The following RELB variants were observed in gnomAD, a reference collection of about 807,000 sequenced individuals.
RELB encodes transcription factor RelB.
Under a neutral mutation model 55.4 loss-of-function variants are expected in RELB, and 14 were observed. The observed-to-expected ratio is 0.25, with a 90% CI of 0.17 to 0.40. The LOEUF (loss-of-function observed/expected upper bound fraction) is 0.40, where lower values mean the gene tolerates loss of function less well. Among genes scored for constraint, RELB ranks in the 10% least tolerant of loss-of-function variants. The pLI, the probability that RELB is intolerant of heterozygous loss-of-function variation, is 1.00. For synonymous variants in RELB, 409 were observed against 371.3 expected, an observed-to-expected ratio of 1.10 and a Z score of -1.17; for missense variants, 669 against 830.7, an observed-to-expected ratio of 0.81 and a Z score of 2.39.
At chr19:45,011,605 G>A (rs1971352134) in intron 3 of RELB, among the ~76,000 whole-genome samples, 1 of 151,840 alleles carries the variant, frequency 6.6e-6, no homozygotes, top group African/African-American at 2.4e-5. Context: ...TACAGACGTG[G>A]GAGACCATTC....
intron 2 of RELB, among the ~76,000 whole-genome samples, chr19:45,003,272 C>G (rs1383633795): frequency 6.6e-6 from 1 of 151,964 alleles, no homozygotes; most frequent in Non-Finnish European, 1.5e-5. Flanking sequence ...GAGATCGAGA[C>G]CATCCTGGCT....
intron 11 of RELB, among the ~76,000 whole-genome samples, chr19:45,035,334 C>T (rs1291831195): frequency 2.6e-5 from 4 of 150,990 alleles, no homozygotes; most frequent in South Asian, 2.1e-4. Flanking sequence ...GCCTGGCCAA[C>T]GTGGTAAAAC....
At chr19:45,028,644 G>A (rs940736939) in intron 7 of RELB, among the ~76,000 whole-genome samples, 5 of 152,112 alleles carry the variant, frequency 3.3e-5, no homozygotes, top group African/African-American at 9.7e-5. Flanking sequence ...AAAGATCTTC[G>A]TTTTGGACAG....
At chr19:45,017,108 G>A (rs1366585584) in intron 4 of RELB, among the ~76,000 whole-genome samples, 1 of 152,048 alleles carries the variant, frequency 6.6e-6, no homozygotes, top group Non-Finnish European at 1.5e-5. Context: ...CCCCTAGGGG[G>A]CAGCACTCCC....
At chr19:45,002,069 T>C (rs565000498) in intron 1 of RELB, among the ~76,000 whole-genome samples, 208 of 111,186 alleles carry the variant, frequency 1.9e-3, no homozygotes, top group African/African-American at 6.5e-3. Flanking sequence ...CGGGCCTGAC[T>C]CAAAAAAGGA....
chr19:45,028,803 G>T (rs956285128), intron 7 of RELB, 85 bp from the exon 8 acceptor site: 6 of 1,087,352 alleles, frequency 5.5e-6, no homozygotes, highest in Non-Finnish European at 8.2e-6. Flanking sequence ...CCCGGGGATG[G>T]CACCCACTGG....
intron 4 of RELB, chr19:45,021,826 C>A (rs1368103624): frequency 6.8e-6 from 3 of 439,340 alleles, no homozygotes; most frequent in Non-Finnish European, 1.2e-5. Flanking sequence ...CCGCCCACCT[C>A]GGCCTTCCAA....
intron 4 of RELB, among the ~76,000 whole-genome samples, chr19:45,013,954 C>T (rs1971391773): frequency 6.6e-6 from 1 of 152,172 alleles, no homozygotes; most frequent in African/African-American, 2.4e-5. Context: ...CTGTGGCCTT[C>T]TCAGTGTCTC....
intron 4 of RELB, among the ~76,000 whole-genome samples, chr19:45,017,449 T>TAA (rs544678800): frequency 1.9e-5 from 2 of 102,664 alleles, no homozygotes; most frequent in Admixed American, 1.0e-4. Flanking sequence ...AGAATCTGTC[T>TAA]AAAAAAAAAA....
intron 8 of RELB, among the ~76,000 whole-genome samples, chr19:45,030,700 G>A (rs977136944): frequency 1.3e-5 from 2 of 152,234 alleles, no homozygotes; most frequent in Admixed American, 1.3e-4. Flanking sequence ...GGGAGGCTGA[G>A]GTAGGAGGAT....
chr19:45,028,800 A>G (rs372593936), intron 7 of RELB, 88 bp from the exon 8 acceptor site: 1 of 1,014,504 alleles, frequency 9.9e-7, no homozygotes, highest in African/African-American at 1.6e-5. Flanking sequence ...GGCCCCGGGG[A>G]TGGCACCCAC....
At chr19:45,005,212 G>A (rs566545694) in intron 2 of RELB, among the ~76,000 whole-genome samples, 2 of 151,982 alleles carry the variant, frequency 1.3e-5, no homozygotes, top group East Asian at 1.9e-4. Context: ...CCCACCTCTC[G>A]AGTTTCTGAT....
chr19:45,001,903 T>G, intron 1 of RELB, among the ~76,000 whole-genome samples: 1 of 147,072 alleles, frequency 6.8e-6, no homozygotes, highest in African/African-American at 2.5e-5. Flanking sequence ...CGCTGTAGAG[T>G]GAGAGGGGGC....
chr19:45,032,697 C>G lies in RELB; in HGVS notation c.1155C>G (p.Thr385=). Reference sequence around the variant, plus strand: ...TCAACGTCTTCCTGCAGCGGCTCACCGATGGGGTCTGCAGCGAGCCATTGC... The same window carrying G: ...TCAACGTCTTCCTGCAGCGGCTCACGGATGGGGTCTGCAGCGAGCCATTGC... ...VTVNVFLQRL[T]DGVCSEPLPF... The change falls in exon 9 of 12, where the codon ACC becomes ACG. Residue 385 remains threonine (T), a synonymous_variant. Coordinates refer to ENST00000221452, the MANE Select transcript of RELB (RefSeq NM_006509.4). 6.2e-7 allele frequency: 1 copy of G among 1,610,390 alleles called. No homozygotes were observed. The highest frequency in any genetic ancestry group is 1.1e-5 in the South Asian group (1 of 90,416).
chr19:45,027,160 G>A (rs543230004), intron 7 of RELB, among the ~76,000 whole-genome samples: 1 of 151,068 alleles, frequency 6.6e-6, no homozygotes, highest in Admixed American at 6.6e-5. Flanking sequence ...GTGAACCCTG[G>A]AGGCGGAGCT....
Position 45,022,050 on chromosome 19 carries a change from C to T in RELB, c.505-3C>T. 3 of 1,604,794 alleles carry T rather than the reference C, an allele frequency of 1.9e-6. No homozygotes were observed. The highest frequency in any genetic ancestry group is 2.6e-6 in the Non-Finnish European group (3 of 1,174,876). On this transcript the variant is annotated splice_region_variant and splice_polypyrimidine_tract_variant and intron_variant, in intron 4 of 11. Coordinates refer to ENST00000221452, the MANE Select transcript of RELB (RefSeq NM_006509.4). ...CCCCCAAAGAGGACTTCTCTTCCTGCAGCTCCGGGATTGTGGAGGGCTGCG... is the reference window on the plus strand; with the variant it reads ...CCCCCAAAGAGGACTTCTCTTCCTGTAGCTCCGGGATTGTGGAGGGCTGCG...
At chr19:45,034,607 C>A in intron 11 of RELB, 79 bp downstream of exon 11, 1 of 1,259,042 alleles carries the variant, frequency 7.9e-7, no homozygotes. Context: ...CTGGCCTCTT[C>A]ACGCCCTCCA....
rs1243621681 is a variant in RELB at position 45,037,584 on chromosome 19, G to A, written c.1534G>A (p.Ala512Thr). The A allele has an allele frequency of 2.8e-5, 45 of 1,611,646 alleles. No individual in the cohort carries two copies. The highest frequency in any genetic ancestry group is 3.6e-5 in the Non-Finnish European group (43 of 1,179,094). ...LDLLPPAPPH[A>T]SAVVCSGGAG... ...CCTGCTGCCCCCGGCACCGCCACAC[G>A]CTAGCGCTGTTGTGTGCAGCGGAGG... Residue 512 changes from alanine (A) to threonine (T), a missense_variant, in exon 12 of 12, where the codon GCT becomes ACT. Physicochemically the swap from Ala to Thr is moderately conservative, Grantham distance 58. Transcript: ENST00000221452.
intron 2 of RELB, among the ~76,000 whole-genome samples, chr19:45,004,591 G>C (rs1211829945): frequency 6.6e-6 from 1 of 151,560 alleles, no homozygotes; most frequent in African/African-American, 2.4e-5. Flanking sequence ...AATGTCGCCT[G>C]ATGTGGTGGC....
Sources: gnomAD v4.1 joint callset for allele counts (sites outside exome capture counted in the v4.1 genomes callset) on GRCh38, gnomAD v4.1.1 for gene constraint, MANE v1.5 for transcripts, NCBI Gene and HGNC (gene_info 2026-07-23, HGNC 2026-07-21) for gene names.